The following ANK3 variants were observed in gnomAD, a reference collection of about 807,000 sequenced individuals.
ANK3 encodes the protein ankyrin 3.
Under a neutral mutation model 370.9 loss-of-function variants are expected in ANK3, and 57 were observed. The ratio of observed to expected loss-of-function variants is 0.15; its 90% CI spans 0.12 to 0.19. The LOEUF is 0.19. Ranked by LOEUF, ANK3 falls within the 10% of genes least tolerant of loss-of-function variation. The pLI, the probability that ANK3 is intolerant of heterozygous loss-of-function variation, is 1.00. For synonymous variants in ANK3, 1,929 were observed against 1,946.3 expected, an observed-to-expected ratio of 0.99 and a Z score of 0.23; for missense variants, 4,439 against 5,302.1, an observed-to-expected ratio of 0.84 and a Z score of 5.06.
intron 2 of ANK3, among the ~76,000 whole-genome samples, chr10:60,408,152 A>G (rs2063490441): frequency 6.6e-6 from 1 of 152,202 alleles, no homozygotes; most frequent in Non-Finnish European, 1.5e-5. Flanking sequence ...CACTCTTACC[A>G]TTTTGAACTT....
chr10:60,681,640 A>G (rs1477462829), intron 1 of ANK3, among the ~76,000 whole-genome samples: 1 of 152,154 alleles, frequency 6.6e-6, no homozygotes, highest in African/African-American at 2.4e-5. Flanking sequence ...CATTGCTTAC[A>G]CCACCATAGT....
chr10:60,159,527 C>T (rs1369541212), intron 23 of ANK3, among the ~76,000 whole-genome samples: 3 of 152,062 alleles, frequency 2.0e-5, no homozygotes, highest in Non-Finnish European at 4.4e-5. Context: ...AGAAAATCAA[C>T]AAAGAAACAC....
At chr10:60,129,054 C>T (rs2093927414) in intron 25 of ANK3, among the ~76,000 whole-genome samples, 1 of 152,192 alleles carries the variant, frequency 6.6e-6, no homozygotes, top group Admixed American at 6.5e-5. Context: ...TTATTAAATC[C>T]TATTTGGAGA....
At chr10:60,504,092 T>C (rs1010045073) in intron 2 of ANK3, among the ~76,000 whole-genome samples, 5 of 152,144 alleles carry the variant, frequency 3.3e-5, no homozygotes, top group African/African-American at 9.7e-5. Context: ...CAAACACATA[T>C]CATAATTTCT....
In ANK3 at chr10:60,711,591, A is replaced by G. The variant is rs549236983; in HGVS notation, c.57+21672T>C. Among the ~76,000 whole-genome samples, 8 of 152,202 alleles carry G rather than the reference A, an allele frequency of 5.3e-5. No individual in the cohort carries two copies. In the South Asian group the frequency reaches 1.7e-3, roughly 32 times the overall value. On this transcript the variant is annotated intron_variant, in intron 1 of 43. Coordinates refer to the ANK3 transcript ENST00000373827. ...TATTCAAAAAGTGTGAGACAACTACAATAAGTGTAATAAATACATAATGGC... is the reference window on the plus strand; with the variant it reads ...TATTCAAAAAGTGTGAGACAACTACGATAAGTGTAATAAATACATAATGGC...
At chr10:60,570,515 G>A (rs1423287640) in intron 2 of ANK3, among the ~76,000 whole-genome samples, 1 of 152,078 alleles carries the variant, frequency 6.6e-6, no homozygotes, top group East Asian at 1.9e-4. Flanking sequence ...TTTAATTCAG[G>A]GACTGGTAAA....
chr10:60,292,013 C>G (rs979089239), intron 1 of ANK3, among the ~76,000 whole-genome samples: 3 of 152,114 alleles, frequency 2.0e-5, no homozygotes, highest in East Asian at 3.9e-4. Context: ...GTGCTCAGCT[C>G]AAGATGTTTT....
chr10:60,332,280 G>A (rs2051531056), intron 1 of ANK3, among the ~76,000 whole-genome samples: 2 of 152,126 alleles, frequency 1.3e-5, no homozygotes, highest in African/African-American at 2.4e-5. Context: ...GCAATTTCCT[G>A]GTGAAGACAT....
chr10:60,100,108 T>G (rs1308634658), intron 28 of ANK3, among the ~76,000 whole-genome samples: 2 of 152,166 alleles, frequency 1.3e-5, no homozygotes, highest in Non-Finnish European at 2.9e-5. Flanking sequence ...ACTAGAATTT[T>G]TATTTCTACT....
At chr10:60,481,999 C>T (rs12770054) in intron 2 of ANK3, among the ~76,000 whole-genome samples, 57,607 of 152,010 alleles carry the variant, frequency 0.38, 11,503 homozygotes, top group Non-Finnish European at 0.45. Flanking sequence ...ATCCTGGCAT[C>T]GCTCAAAAAA....
At chr10:60,571,198 A>G (rs990667083) in intron 2 of ANK3, among the ~76,000 whole-genome samples, 9 of 152,180 alleles carry the variant, frequency 5.9e-5, no homozygotes, top group African/African-American at 1.7e-4. Flanking sequence ...GCAATGTACA[A>G]GAAGTCAAGG....
chr10:60,567,990 T>A (rs554522157), intron 2 of ANK3, among the ~76,000 whole-genome samples: 1 of 152,208 alleles, frequency 6.6e-6, no homozygotes, highest in Non-Finnish European at 1.5e-5. Context: ...GATGAGGAGT[T>A]ACTTCTTATG....
chr10:60,119,156 G>C (rs1326564418), intron 25 of ANK3, among the ~76,000 whole-genome samples: 2 of 152,178 alleles, frequency 1.3e-5, no homozygotes, highest in Admixed American at 6.5e-5. Flanking sequence ...TCAGGTTTAT[G>C]AGCAGACGTA....
intron 8 of ANK3, among the ~76,000 whole-genome samples, chr10:60,216,098 C>T (rs553950089): frequency 3.3e-5 from 5 of 152,148 alleles, no homozygotes; most frequent in Admixed American, 2.6e-4. Flanking sequence ...GTATTTTATT[C>T]TCTTTGTAGT....
At chr10:60,122,338 A>G (rs563653263) in intron 25 of ANK3, among the ~76,000 whole-genome samples, 2 of 152,232 alleles carry the variant, frequency 1.3e-5, no homozygotes, top group African/African-American at 4.8e-5. Context: ...TCCAAAGCCT[A>G]CTTCTGCAAA....
chr10:60,202,736 C>T (rs558678064), intron 12 of ANK3, among the ~76,000 whole-genome samples: 5 of 152,060 alleles, frequency 3.3e-5, no homozygotes, highest in African/African-American at 4.8e-5. Flanking sequence ...GTGAGGCCCC[C>T]GTCTCTACAA....
chr10:60,491,770 A>G (rs2075513449), intron 2 of ANK3, among the ~76,000 whole-genome samples: 1 of 152,186 alleles, frequency 6.6e-6, no homozygotes, highest in Non-Finnish European at 1.5e-5. Context: ...AGACTGCCTA[A>G]GGTCAAATCT....
intron 28 of ANK3, among the ~76,000 whole-genome samples, chr10:60,104,930 A>G (rs2132082670): frequency 6.6e-6 from 1 of 152,374 alleles, no homozygotes; most frequent in Admixed American, 6.5e-5. Flanking sequence ...AGGCTCACAG[A>G]GTTCAATAAA....
intron 4 of ANK3, among the ~76,000 whole-genome samples, chr10:60,273,478 C>T (rs1263957819): frequency 7.2e-6 from 1 of 138,088 alleles, no homozygotes; most frequent in Non-Finnish European, 1.5e-5. Context: ...AAAAGAAGCC[C>T]TCTATACTCC....
Sources: allele counts gnomAD v4.1 joint callset (sites outside exome capture counted in the v4.1 genomes callset), GRCh38; gene constraint gnomAD v4.1.1; transcripts MANE v1.5; gene names NCBI Gene and HGNC (gene_info 2026-07-23, HGNC 2026-07-21).